RHOU: variants seen among roughly 807,000 people sequenced by gnomAD.
The protein encoded by RHOU is ras homolog family member U, also known as rho-related GTP-binding protein RhoU.
A neutral mutation model predicts 12.6 loss-of-function variants in RHOU; 8 were observed. That is an observed-to-expected ratio of 0.64 (90% CI 0.37 to 1.15). The LOEUF is 1.15. RHOU is among the 50% of genes most tolerant of loss of function. The pLI is 0.01. For synonymous variants in RHOU, 161 were observed against 147.4 expected (o/e 1.09, Z -0.67); for missense variants, 258 against 347.0 (o/e 0.74, Z 2.04).
At chr1:228,647,008 G>C in the RHOU span, among the ~76,000 whole-genome samples, 1 of 146,016 alleles carries the variant, frequency 6.8e-6, no homozygotes, top group South Asian at 2.1e-4. Flanking sequence ...GAAATAACGC[G>C]AGGTCCAGGG....
At chr1:228,716,739 TACAC>T in the RHOU span, among the ~76,000 whole-genome samples, 1 of 68,618 alleles carries the variant, frequency 1.5e-5, no homozygotes, top group African/African-American at 1.5e-4. Context: ...TATATACATA[TACAC>T]ACACATGTGT....
At chr1:228,725,004 C>G in the RHOU span, among the ~76,000 whole-genome samples, 1 of 152,186 alleles carries the variant, frequency 6.6e-6, no homozygotes, top group Non-Finnish European at 1.5e-5. Context: ...TTCTTTCTTG[C>G]CTGGCAGTCT....
chr1:228,717,863 A>ACTTTT, the RHOU span, among the ~76,000 whole-genome samples: 1 of 152,222 alleles, frequency 6.6e-6, no homozygotes, highest in African/African-American at 2.4e-5. Context: ...AGTTAATTCA[A>ACTTTT]GATCAGAAGA....
chr1:228,707,238 T>TAC, the RHOU span, among the ~76,000 whole-genome samples: 5 of 15,466 alleles, frequency 3.2e-4, no homozygotes, highest in African/African-American at 8.9e-4. Context: ...TACATATGTA[T>TAC]ATATATATAT....
chr1:228,715,815 T>C, the RHOU span, among the ~76,000 whole-genome samples: 3 of 127,778 alleles, frequency 2.3e-5, no homozygotes, highest in African/African-American at 3.6e-5. Flanking sequence ...GTGATTATTA[T>C]TTTATAATTG....
At chr1:228,674,834 C>T in the RHOU span, among the ~76,000 whole-genome samples, 4 of 151,916 alleles carry the variant, frequency 2.6e-5, no homozygotes, top group Admixed American at 6.6e-5. Flanking sequence ...GGGTTCACGC[C>T]GTTCTCCTGT....
chr1:228,647,443 A>AT, the RHOU span, among the ~76,000 whole-genome samples: 1 of 152,102 alleles, frequency 6.6e-6, no homozygotes, highest in East Asian at 1.9e-4. Flanking sequence ...GGCAATAGGA[A>AT]TCCGGGTGCA....
Position 228,735,697 on chromosome 1 carries a change from G to A in RHOU, c.-46G>A. The A allele has an allele frequency of 8.4e-7, 1 of 1,188,816 alleles. No homozygotes were observed. The highest frequency in any genetic ancestry group is 1.0e-6 in the Non-Finnish European group (1 of 960,358). The allele number at this position is 1,188,816 out of a possible 1,614,324, so 73.6% of individuals were successfully genotyped here. Reference sequence around the variant, plus strand: ...CCCTCCGGGGCGGAGGGGCGGTCGGGCCGGGCCCTGCTAGCCCGCGACCGC... The same window carrying A: ...CCCTCCGGGGCGGAGGGGCGGTCGGACCGGGCCCTGCTAGCCCGCGACCGC... On this transcript the variant is annotated 5_prime_UTR_variant, in exon 1 of 3. Transcript: ENST00000366691. The surrounding 1 kb of genome is among the most constrained non-coding windows in gnomAD (Gnocchi z 8.1).
At chr1:228,725,793 A>G in the RHOU span, among the ~76,000 whole-genome samples, 3 of 152,250 alleles carry the variant, frequency 2.0e-5, no homozygotes, top group East Asian at 5.8e-4. Context: ...ACAAATTTTA[A>G]ACATAAAGTA....
the RHOU span, among the ~76,000 whole-genome samples, chr1:228,710,439 G>A: frequency 3.3e-5 from 5 of 152,192 alleles, no homozygotes; most frequent in East Asian, 9.6e-4. Context: ...GAATCCAGCA[G>A]CACATCAAAA....
the RHOU span, among the ~76,000 whole-genome samples, chr1:228,660,771 T>TA: frequency 6.6e-6 from 1 of 151,526 alleles, no homozygotes; most frequent in Non-Finnish European, 1.5e-5. Flanking sequence ...CCATCTCTAC[T>TA]AAAAATACAA....
At chr1:228,668,731 G>A in the RHOU span, among the ~76,000 whole-genome samples, 2 of 152,164 alleles carry the variant, frequency 1.3e-5, no homozygotes, top group Non-Finnish European at 2.9e-5. Flanking sequence ...CTGGCTGCTC[G>A]CCCAGCCCTG....
the RHOU span, among the ~76,000 whole-genome samples, chr1:228,719,051 C>T: frequency 2.0e-5 from 3 of 152,130 alleles, no homozygotes; most frequent in African/African-American, 7.2e-5. Context: ...TTCTACAGCA[C>T]CTATGTTGGA....
chr1:228,686,051 T>C, the RHOU span, among the ~76,000 whole-genome samples: 3 of 152,204 alleles, frequency 2.0e-5, no homozygotes, highest in African/African-American at 7.2e-5. Context: ...TGTAAGTTAG[T>C]GATCAGACTT....
At chr1:228,734,725 A>G (rs978039827), upstream of RHOU, among the ~76,000 whole-genome samples, 19 of 152,194 alleles carry the variant, frequency 1.2e-4, no homozygotes, top group Admixed American at 1.2e-3. Context: ...TTCTGAATAG[A>G]CTGTTGACCA....
At chr1:228,659,326 C>G in the RHOU span, among the ~76,000 whole-genome samples, 1 of 151,166 alleles carries the variant, frequency 6.6e-6, no homozygotes, top group South Asian at 2.1e-4. Flanking sequence ...TGCAGTGAGC[C>G]GAGATCACAC....
the RHOU span, among the ~76,000 whole-genome samples, chr1:228,717,105 A>C: frequency 6.6e-6 from 1 of 152,226 alleles, no homozygotes; most frequent in East Asian, 1.9e-4. Flanking sequence ...GGCTGGAAGG[A>C]ACTGAAGTCA....
chr1:228,735,855 G>A lies in RHOU; in HGVS notation c.113G>A (p.Gly38Asp). 1 of 1,393,276 alleles carries A rather than the reference G, an allele frequency of 7.2e-7. No homozygotes were observed. The allele number at this position is 1,393,276 out of a possible 1,614,324, so 86.3% of individuals were successfully genotyped here. A position where few individuals can be genotyped will look rare whatever the true frequency, so the allele number is the denominator to read the frequency against. ...GGACGCGGGCCTGGGGAGCCGGGGG[G>A]CCGGGGGCGTGCGGGGGGTGCCGAG... ...RGGRGPGEPGGRGRAGGAEGR... is the reference protein window; with the variant it reads ...RGGRGPGEPGDRGRAGGAEGR... Residue 38 changes from glycine to aspartate, a missense_variant, in exon 1 of 3, where the codon GGC (glycine) becomes GAC (aspartate). Gly to Asp is a moderately conservative substitution (Grantham distance 94). Coordinates refer to ENST00000366691, the MANE Select transcript of RHOU (RefSeq NM_021205.6). This position sits in a 1 kb window ranked among gnomAD's most constrained non-coding sequence, Gnocchi z 8.1.
chr1:228,677,806 G>C, the RHOU span, among the ~76,000 whole-genome samples: 1 of 152,140 alleles, frequency 6.6e-6, no homozygotes, highest in African/African-American at 2.4e-5. Context: ...GTAAAACCAG[G>C]AGCCACTAAA....
Sources: allele counts gnomAD v4.1 joint callset (sites outside exome capture counted in the v4.1 genomes callset), GRCh38; gene constraint gnomAD v4.1.1; non-coding constraint Gnocchi (gnomAD v3.1); transcripts MANE v1.5; gene names NCBI Gene and HGNC (gene_info 2026-07-23, HGNC 2026-07-21).